Variants in ASIC2 observed in about 807,000 individuals in gnomAD.
ASIC2 encodes acid-sensing ion channel 2.
Under a neutral mutation model 57.3 loss-of-function variants are expected in ASIC2, and 25 were observed. The observed-to-expected ratio is 0.44, with a 90% CI of 0.32 to 0.61. The LOEUF is 0.61. Ranked by LOEUF, ASIC2 falls within the 20% of genes least tolerant of loss-of-function variation. ASIC2 has a pLI of 0.06. For synonymous variants in ASIC2, 319 were observed against 307.5 expected, an observed-to-expected ratio of 1.04 and a Z score of -0.39; for missense variants, 641 against 738.1, an observed-to-expected ratio of 0.87 and a Z score of 1.52.
rs1274170431 is a variant in ASIC2, at chr17:33,878,878, G to A, written c.555+277100C>T. Among the ~76,000 whole-genome samples the A allele has an allele frequency of 5.9e-5, 9 of 152,250 alleles. No homozygotes were observed. The East Asian group carries it at 1.4e-3, about 23-fold the overall frequency. On this transcript the variant is annotated intron_variant, in intron 1 of 9. Transcript: ENST00000359872. Reference sequence around the variant, plus strand: ...GAGAGAAAGGTCGGGTTACCCACAAGGGGAAGCCCATCAGACTAACAGCTG... The same window carrying A: ...GAGAGAAAGGTCGGGTTACCCACAAAGGGAAGCCCATCAGACTAACAGCTG...
chr17:33,716,889 A>C (rs1209021611), intron 1 of ASIC2, among the ~76,000 whole-genome samples: 1 of 152,248 alleles, frequency 6.6e-6, no homozygotes, highest in African/African-American at 2.4e-5. Context: ...CTAACAAGGC[A>C]CTTCAATATA....
chr17:33,862,591 A>C (rs997266263), intron 1 of ASIC2, among the ~76,000 whole-genome samples: 1 of 152,216 alleles, frequency 6.6e-6, no homozygotes, highest in African/African-American at 2.4e-5. Flanking sequence ...CAATGGCAGC[A>C]GTATCCATAT....
At chr17:33,208,792 T>G (rs1036585735) in intron 1 of ASIC2, among the ~76,000 whole-genome samples, 1 of 152,136 alleles carries the variant, frequency 6.6e-6, no homozygotes, top group Non-Finnish European at 1.5e-5. Flanking sequence ...GCCTGGCACA[T>G]AGCAGATGCT....
At chr17:33,458,594 G>A (rs1912531235) in intron 1 of ASIC2, among the ~76,000 whole-genome samples, 1 of 152,092 alleles carries the variant, frequency 6.6e-6, no homozygotes, top group Admixed American at 6.5e-5. Context: ...CTGCATAATG[G>A]GTTGTTGGGA....
intron 1 of ASIC2, chr17:33,533,303 TAAAGAAAGAAAGAGCG>T (rs1245552523): frequency 7.0e-6 from 1 of 142,504 alleles, no homozygotes; most frequent in Non-Finnish European, 1.5e-5. Flanking sequence ...CCAAAAAGAG[TAAAGAAAGAAAGAGCG>T]AAAGAAAGAA....
At chr17:33,659,422 G>A (rs918217669) in intron 1 of ASIC2, among the ~76,000 whole-genome samples, 2 of 152,114 alleles carry the variant, frequency 1.3e-5, no homozygotes, top group African/African-American at 2.4e-5. Context: ...CCGACCACAC[G>A]CCCAGGCTAT....
At chr17:34,072,569 A>G (rs1418166098) in intron 1 of ASIC2, among the ~76,000 whole-genome samples, 1 of 152,220 alleles carries the variant, frequency 6.6e-6, no homozygotes, top group Non-Finnish European at 1.5e-5. Flanking sequence ...AACTAATAAA[A>G]TAACAAAATG....
chr17:33,585,723 A>C (rs1215820554), intron 1 of ASIC2, among the ~76,000 whole-genome samples: 1 of 152,216 alleles, frequency 6.6e-6, no homozygotes, highest in East Asian at 1.9e-4. Flanking sequence ...TTGTTATGGC[A>C]ACCAGGTAGG....
At chr17:33,416,587 C>T (rs1910849041) in intron 1 of ASIC2, among the ~76,000 whole-genome samples, 1 of 152,144 alleles carries the variant, frequency 6.6e-6, no homozygotes, top group African/African-American at 2.4e-5. Context: ...TGTGCACCCA[C>T]TGGGCGCCCA....
intron 1 of ASIC2, among the ~76,000 whole-genome samples, chr17:33,427,468 A>G (rs1340953156): frequency 6.6e-6 from 1 of 152,224 alleles, no homozygotes; most frequent in Non-Finnish European, 1.5e-5. Flanking sequence ...CTGCTTCGGA[A>G]TCAAATGAGA....
At position 33,104,019 on chromosome 17, in the gene ASIC2, A is replaced by G. The variant is rs576554463; in HGVS notation, c.859+7898T>C. On this transcript the variant is annotated intron_variant, in intron 2 of 9. Transcript: ENST00000225823. ...TCCCGATCCTGTCTGGGGGTTCTCA[A>G]ATGATGTCTATTGGCCTTTGCTGGC... 1.1e-4 allele frequency among the ~76,000 whole-genome samples: 17 copies of G among 152,212 alleles called. 1 individual carries two copies. The highest frequency in any genetic ancestry group is 2.6e-4 in the Admixed American group (4 of 15,284).
At chr17:33,199,755 A>G (rs146459138) in intron 1 of ASIC2, among the ~76,000 whole-genome samples, 5 of 152,228 alleles carry the variant, frequency 3.3e-5, no homozygotes, top group Admixed American at 1.3e-4. Flanking sequence ...ACTACTTCCT[A>G]TGTGTACCTT....
chr17:34,007,940 C>G (rs1380625456), intron 1 of ASIC2, among the ~76,000 whole-genome samples: 2 of 152,194 alleles, frequency 1.3e-5, no homozygotes, highest in East Asian at 3.9e-4. Flanking sequence ...CCCACCCCCT[C>G]CAACACACAA....
intron 1 of ASIC2, among the ~76,000 whole-genome samples, chr17:33,940,007 A>C (rs2141977859): frequency 6.6e-6 from 1 of 152,292 alleles, no homozygotes; most frequent in South Asian, 2.1e-4. Flanking sequence ...GGATAAAAGA[A>C]AGAAAAGGAG....
At chr17:33,111,770 A>T (rs1266752309) in intron 2 of ASIC2, 147 bp downstream of exon 2, 3 of 1,175,120 alleles carry the variant, frequency 2.6e-6, no homozygotes, top group Non-Finnish European at 3.5e-6. Context: ...CAAGCCAGGG[A>T]CATCTTTATG....
chr17:33,866,634 A>T (rs1914245427), intron 1 of ASIC2, among the ~76,000 whole-genome samples: 1 of 151,960 alleles, frequency 6.6e-6, no homozygotes, highest in African/African-American at 2.4e-5. Context: ...TCTGTGTTTG[A>T]CTCTCATCTT....
intron 1 of ASIC2, among the ~76,000 whole-genome samples, chr17:33,584,972 A>AG (rs1904569655): frequency 6.6e-6 from 1 of 152,082 alleles, no homozygotes; most frequent in Non-Finnish European, 1.5e-5. Context: ...CAGAGAGAGG[A>AG]GGGAGGGTCC....
At chr17:33,015,231 T>C (rs534701369) in intron 9 of ASIC2, among the ~76,000 whole-genome samples, 135 of 152,164 alleles carry the variant, frequency 8.9e-4, no homozygotes, top group Non-Finnish European at 9.4e-4. Flanking sequence ...CTGGAGGTGC[T>C]GATTTGGGGC....
chr17:33,065,818 C>T (rs528619484), intron 3 of ASIC2, among the ~76,000 whole-genome samples: 6 of 152,128 alleles, frequency 3.9e-5, no homozygotes, highest in South Asian at 2.1e-4. Context: ...ACTATATGTC[C>T]GATTTTTAAA....
Sources: gnomAD v4.1 joint callset for allele counts (sites outside exome capture counted in the v4.1 genomes callset) on GRCh38, gnomAD v4.1.1 for gene constraint, MANE v1.5 for transcripts, NCBI Gene and HGNC (gene_info 2026-07-23, HGNC 2026-07-21) for gene names.